CLPSL1: variants seen among roughly 807,000 people sequenced by gnomAD.
CLPSL1 encodes colipase-like protein 1.
In CLPSL1, 13 loss-of-function variants were observed where a neutral mutation model predicts 9.3. The observed-to-expected ratio is 1.40, with a 90% CI of 0.91 to 2.22. The LOEUF is 2.22. Among genes scored for constraint, CLPSL1 ranks in the 30% most tolerant of loss-of-function variants. CLPSL1 has a pLI of 0.00. For synonymous variants in CLPSL1, 58 were observed against 56.9 expected (o/e 1.02, Z -0.08); for missense variants, 164 against 146.6 (o/e 1.12, Z -0.61).
At chr6:35,783,806 CAAAAAA>C (rs778575275) in intron 1 of CLPSL1, among the ~76,000 whole-genome samples, 4 of 106,092 alleles carry the variant, frequency 3.8e-5, no homozygotes, top group Non-Finnish European at 3.9e-5. Context: ...ACTCTATCTC[CAAAAAA>C]AAAAAAAAAA....
chr6:35,793,078 T>C (rs979352005), downstream of CLPSL1, among the ~76,000 whole-genome samples: 1 of 152,252 alleles, frequency 6.6e-6, no homozygotes, highest in Non-Finnish European at 1.5e-5. Flanking sequence ...AACCTAGTTC[T>C]AGCCACTGAG....
chr6:35,788,387 T>C (rs1028241843), downstream of CLPSL1, among the ~76,000 whole-genome samples: 1 of 152,274 alleles, frequency 6.6e-6, no homozygotes, highest in African/African-American at 2.4e-5. Context: ...GGAAGCCCAG[T>C]TTACACCTGA....
At chr6:35,782,251 AGAG>A (rs758136600) in intron 1 of CLPSL1, among the ~76,000 whole-genome samples, 2 of 152,176 alleles carry the variant, frequency 1.3e-5, no homozygotes, top group Non-Finnish European at 2.9e-5. Context: ...GGAATAGCAA[AGAG>A]GAGTAAGAGA....
chr6:35,793,712 A>G (rs1561944458), downstream of CLPSL1: 1 of 410,816 alleles, frequency 2.4e-6, no homozygotes, highest in East Asian at 7.3e-5. Flanking sequence ...GTTGAATGCA[A>G]TCCTAACTCA....
At chr6:35,784,484 C>A (rs186253727) in intron 1 of CLPSL1, among the ~76,000 whole-genome samples, 3 of 152,194 alleles carry the variant, frequency 2.0e-5, no homozygotes, top group Non-Finnish European at 4.4e-5. Flanking sequence ...AGTGCCCTGG[C>A]CAAGGAAGGA....
chr6:35,781,091 G>A lies in CLPSL1; in HGVS notation c.-20G>A, dbSNP rs1439197389. On this transcript the variant is annotated 5_prime_UTR_variant, in exon 1 of 3. Coordinates refer to ENST00000373861, the MANE Select transcript of CLPSL1 (RefSeq NM_001010886.5). ...GGATATTTCGCTGGACCCTAGAAAA[G>A]CCACCACGACCTGTGGGCCATGATG... is the stretch of plus-strand genomic sequence containing the variant. 6 of 1,612,934 alleles carry A rather than the reference G, an allele frequency of 3.7e-6. No individual in the cohort carries two copies. The highest frequency in any genetic ancestry group is 5.1e-6 in the Non-Finnish European group (6 of 1,179,390).
Position 35,786,451 on chromosome 6 carries a change from T to C in CLPSL1, c.100-547T>C, listed in dbSNP as rs137967553. Among the ~76,000 whole-genome samples the C allele has an allele frequency of 1.5e-3, 223 of 152,354 alleles. 1 individual carries two copies. Among genetic ancestry groups the C allele is most frequent in the African/African-American group, 5.2e-3 (217 of 41,590 alleles). On this transcript the variant is annotated intron_variant, in intron 1 of 2. Coordinates refer to ENST00000373861, the MANE Select transcript of CLPSL1 (RefSeq NM_001010886.5). Reference sequence around the variant, plus strand: ...TTTCTGTTTTTGTTGTTCCCAGCTGTATTCCCAGTGCCTGGAACAGTGCCT... The same window carrying C: ...TTTCTGTTTTTGTTGTTCCCAGCTGCATTCCCAGTGCCTGGAACAGTGCCT...
chr6:35,781,919 T>C (rs1336433943), intron 1 of CLPSL1, among the ~76,000 whole-genome samples: 1 of 151,838 alleles, frequency 6.6e-6, no homozygotes, highest in Non-Finnish European at 1.5e-5. Flanking sequence ...CTAATTTTTT[T>C]TTCTGTATTT....
intron 2 of CLPSL1, among the ~76,000 whole-genome samples, chr6:35,787,594 T>C (rs866148240): frequency 2.0e-5 from 3 of 152,284 alleles, no homozygotes; most frequent in Middle Eastern, 6.8e-3. Context: ...GACATAGAGG[T>C]CCTGCGATGG....
downstream of CLPSL1, among the ~76,000 whole-genome samples, chr6:35,788,377 G>A (rs1386989011): frequency 2.6e-5 from 4 of 151,354 alleles, no homozygotes; most frequent in South Asian, 2.1e-4. Context: ...TCTACCCCCC[G>A]GAAGCCCAGT....
rs765655314 is a variant in CLPSL1, at chr6:35,787,963, T to A, written c.319T>A (p.Cys107Ser). The A allele has an allele frequency of 6.2e-7, 1 of 1,613,846 alleles. No individual in the cohort carries two copies. Among genetic ancestry groups the A allele is most frequent in the Non-Finnish European group, 8.5e-7 (1 of 1,179,694 alleles). The stretch of plus-strand genomic sequence containing the variant: ...ATGGCTTAGCATCGCCTATGGCCGT[T>A]GTCAGAAAATTGGAAGGCAGAAGTT... ...EKWLSIAYGR[C>S]QKIGRQKLAK... Residue 107 changes from cysteine (C) to serine (S), a missense_variant, in exon 3 of 3, where the codon TGT (cysteine) becomes AGT (serine). Cys to Ser is a moderately radical substitution (Grantham distance 112). Transcript: ENST00000373861.
chr6:35,786,646 C>T lies in CLPSL1; in HGVS notation c.100-352C>T, dbSNP rs77479655. On this transcript the variant is annotated intron_variant, in intron 1 of 2. Coordinates refer to ENST00000373861, the MANE Select transcript of CLPSL1 (RefSeq NM_001010886.5). Reference sequence around the variant, plus strand: ...GGTGGGAATGCATGTAGGTGACCATCAGGCACAGGTGAAAGGGTGAGTATG... The same window carrying T: ...GGTGGGAATGCATGTAGGTGACCATTAGGCACAGGTGAAAGGGTGAGTATG... 7.4e-4 allele frequency among the ~76,000 whole-genome samples: 112 copies of T among 152,250 alleles called. 1 individual carries two copies. The East Asian group carries it at 0.02, about 27-fold the overall frequency.
rs953836231 is a variant in CLPSL1, at chr6:35,787,083, C to T, written c.185C>T (p.Ala62Val). 9 of 1,610,302 alleles carry T rather than the reference C, an allele frequency of 5.6e-6. No homozygotes were observed. The highest frequency in any genetic ancestry group is 1.1e-5 in the South Asian group (1 of 89,844). Residue 62 changes from alanine to valine, a missense_variant, in exon 2 of 3, where the codon GCG becomes GTG. By Grantham distance (64) the Ala-to-Val change is moderately conservative. Transcript: ENST00000373861. ...RAPDNCESHC[A>V]EKGSEGSLCQ... is the part of the protein sequence containing the mutation. ...CCAGACAATTGCGAGTCGCACTGCGCGGAGAAGGGGTCCGAGGGCAGTCTG... is the reference window on the plus strand; with the variant it reads ...CCAGACAATTGCGAGTCGCACTGCGTGGAGAAGGGGTCCGAGGGCAGTCTG...
downstream of CLPSL1, among the ~76,000 whole-genome samples, chr6:35,793,944 A>G (rs1169667568): frequency 6.6e-6 from 1 of 152,268 alleles, no homozygotes; most frequent in Non-Finnish European, 1.5e-5. Context: ...CAGGGGATAT[A>G]CAATTTTTAT....
intron 1 of CLPSL1, among the ~76,000 whole-genome samples, chr6:35,786,082 T>A (rs1247366790): frequency 6.6e-6 from 1 of 151,954 alleles, no homozygotes; most frequent in Non-Finnish European, 1.5e-5. Context: ...CTGGCCAGCA[T>A]GGCGAAACCC....
chr6:35,783,573 G>A (rs567954351), intron 1 of CLPSL1, among the ~76,000 whole-genome samples: 12 of 151,976 alleles, frequency 7.9e-5, no homozygotes, highest in African/African-American at 2.7e-4. Context: ...TTGGGAGGCC[G>A]AGGCAGGCAG....
intron 2 of CLPSL1, 70 bp from the exon 3 acceptor site, chr6:35,787,797 G>T (rs1005043468): frequency 6.8e-7 from 1 of 1,480,590 alleles, no homozygotes; most frequent in South Asian, 1.2e-5. Flanking sequence ...CTGGAGCTGG[G>T]CTGGGCTGGG....
chr6:35,789,421 A>G (rs1011663550), downstream of CLPSL1, among the ~76,000 whole-genome samples: 5 of 152,284 alleles, frequency 3.3e-5, no homozygotes, highest in Non-Finnish European at 7.3e-5. Context: ...CCCTTATAGC[A>G]CACACAAAAA....
downstream of CLPSL1, chr6:35,793,732 G>C: frequency 7.9e-6 from 3 of 378,600 alleles, no homozygotes; most frequent in South Asian, 6.0e-5. Flanking sequence ...ATAAGCCTGT[G>C]GTTACAGGAG....
Sources: gnomAD v4.1 joint callset for allele counts (sites outside exome capture counted in the v4.1 genomes callset) on GRCh38, gnomAD v4.1.1 for gene constraint, MANE v1.5 for transcripts, NCBI Gene and HGNC (gene_info 2026-07-23, HGNC 2026-07-21) for gene names.